DCAF1: variants seen among roughly 807,000 people sequenced by gnomAD.
DCAF1 encodes DDB1 and CUL4 associated factor 1, also known as DDB1- and CUL4-associated factor 1.
DCAF1 carries 15 observed loss-of-function variants against 128.0 expected under a neutral mutation model. The observed-to-expected ratio is 0.12, with a 90% CI of 0.08 to 0.18. The LOEUF (loss-of-function observed/expected upper bound fraction) is 0.18, where lower values mean the gene tolerates loss of function less well. DCAF1 is among the 10% of genes least tolerant of loss of function. The pLI is 1.00. For missense variants in DCAF1, 988 were observed against 1,649.5 expected, an observed-to-expected ratio of 0.60 and a Z score of 6.95; for synonymous variants, 610 against 603.0, an observed-to-expected ratio of 1.01 and a Z score of -0.17.
chr3:51,423,007 G>A (rs1553633010), intron 13 of DCAF1, among the ~76,000 whole-genome samples: 2 of 152,070 alleles, frequency 1.3e-5, no homozygotes, highest in African/African-American at 4.8e-5. Context: ...AGTTGAGGCT[G>A]TGGTGAGCCG....
At chr3:51,493,393 C>G (rs1707878606) in intron 2 of DCAF1, among the ~76,000 whole-genome samples, 1 of 151,672 alleles carries the variant, frequency 6.6e-6, no homozygotes, top group Admixed American at 6.6e-5. Flanking sequence ...TGAAGTGAGC[C>G]AAGATTACGC....
chr3:51,440,973 T>C lies in DCAF1; in HGVS notation c.1125A>G (p.Leu375=), dbSNP rs782285686. The part of the protein sequence containing the change: ...TNDVLLTFEA[L]KHLASLLLHN... ...CCAATATTTTTAAGAACTTTACCTT[T>C]AGTGCCTCAAATGTAAGCAGGACAT... Residue 375 remains leucine (L), a synonymous_variant, in exon 9 of 25, where the codon CTA becomes CTG. Transcript: ENST00000684031. The C allele has an allele frequency of 1.2e-6, 2 of 1,610,262 alleles. No individual in the cohort carries two copies. Among genetic ancestry groups the C allele is most frequent in the Non-Finnish European group, 1.7e-6 (2 of 1,178,472 alleles).
intron 12 of DCAF1, among the ~76,000 whole-genome samples, chr3:51,427,843 T>C (rs1478283009): frequency 6.6e-6 from 1 of 151,906 alleles, no homozygotes; most frequent in Non-Finnish European, 1.5e-5. Flanking sequence ...TTGTTGCCCA[T>C]GCTGGAGTGC....
chr3:51,478,995 T>G (rs79471295), intron 3 of DCAF1, among the ~76,000 whole-genome samples: 1 of 152,104 alleles, frequency 6.6e-6, no homozygotes, highest in South Asian at 2.1e-4. Flanking sequence ...AACAAAAAGA[T>G]TTTTTTAACA....
intron 10 of DCAF1, among the ~76,000 whole-genome samples, chr3:51,431,553 G>C (rs1700385088): frequency 1.3e-5 from 2 of 149,704 alleles, no homozygotes; most frequent in South Asian, 4.2e-4. Context: ...ATATATGAAA[G>C]AGTCTTAACT....
intron 3 of DCAF1, among the ~76,000 whole-genome samples, chr3:51,474,574 T>C (rs1705194511): frequency 1.3e-5 from 2 of 151,996 alleles, no homozygotes; most frequent in Admixed American, 6.6e-5. Flanking sequence ...CACAAAATAA[T>C]GTATGTGTAC....
intron 2 of DCAF1, among the ~76,000 whole-genome samples, chr3:51,491,458 AT>A (rs1707635693): frequency 6.6e-6 from 1 of 152,210 alleles, no homozygotes; most frequent in African/African-American, 2.4e-5. Context: ...ACAGAGACAA[AT>A]ACAATAGAAT....
At chr3:51,471,838 C>T (rs1448364271) in intron 3 of DCAF1, among the ~76,000 whole-genome samples, 2 of 151,974 alleles carry the variant, frequency 1.3e-5, no homozygotes, top group Non-Finnish European at 2.9e-5. Flanking sequence ...CACTGCACTC[C>T]AGCCCGGGCA....
chr3:51,411,426 G>GA (rs59891388), intron 23 of DCAF1, among the ~76,000 whole-genome samples: 10,259 of 152,108 alleles, frequency 0.067, 909 homozygotes, highest in East Asian at 0.33. Flanking sequence ...CTGTAGGCTG[G>GA]AAAAAATCTG....
intron 12 of DCAF1, among the ~76,000 whole-genome samples, chr3:51,427,992 T>C (rs1700047940): frequency 1.3e-5 from 2 of 152,136 alleles, no homozygotes. Flanking sequence ...TAAATAATAA[T>C]ACCTTTCAAA....
At chr3:51,402,900 C>T (rs1209000379) in intron 24 of DCAF1, among the ~76,000 whole-genome samples, 2 of 152,116 alleles carry the variant, frequency 1.3e-5, no homozygotes, top group African/African-American at 2.4e-5. Flanking sequence ...TCTGATCTTA[C>T]AGAAAAAGTC....
intron 3 of DCAF1, among the ~76,000 whole-genome samples, chr3:51,478,057 G>T (rs189662215): frequency 1.3e-5 from 2 of 152,184 alleles, no homozygotes; most frequent in Admixed American, 1.3e-4. Flanking sequence ...AGGCTGGAGT[G>T]TAGTGGCACA....
intron 23 of DCAF1, among the ~76,000 whole-genome samples, chr3:51,404,329 A>ATT (rs1577047733): frequency 6.6e-6 from 1 of 152,280 alleles, no homozygotes; most frequent in East Asian, 1.9e-4. Flanking sequence ...AATAAAATGT[A>ATT]AAATTCATTT....
intron 9 of DCAF1, 93 bp downstream of exon 9, chr3:51,440,877 G>T: frequency 1.8e-6 from 2 of 1,084,404 alleles, no homozygotes; most frequent in Non-Finnish European, 2.7e-6. Context: ...CTGCACTCCA[G>T]CCTGGGCGAC....
Position 51,471,111 on chromosome 3 carries a change from G to A in DCAF1, c.111-106C>T, listed in dbSNP as rs1363983020. On this transcript the variant is annotated intron_variant, in intron 3 of 24. Transcript: ENST00000684031. ...AAGGTAGAAAATAAAAGCAAAGTTA[G>A]AAAAAGACTATTTCTTCTGATGTAC... The A allele has an allele frequency of 3.7e-5, 22 of 593,002 alleles. No individual in the cohort carries two copies. The East Asian group carries it at 5.6e-4, about 15-fold the overall frequency. The allele number at this position is 593,002 out of a possible 1,614,324, so 36.7% of individuals were successfully genotyped here.
intron 6 of DCAF1, among the ~76,000 whole-genome samples, chr3:51,458,481 CA>C (rs1193481801): frequency 6.6e-6 from 1 of 152,132 alleles, no homozygotes; most frequent in East Asian, 1.9e-4. Context: ...TTTAACACCC[CA>C]CTGTCAACAT....
intron 13 of DCAF1, among the ~76,000 whole-genome samples, chr3:51,424,402 CAAAAAAAAAAA>C (rs560911942): frequency 9.9e-6 from 1 of 101,120 alleles, no homozygotes; most frequent in Non-Finnish European, 2.1e-5. Context: ...GACTCTGCCT[CAAAAAAAAAAA>C]AGAAAAAAAA....
At chr3:51,414,554 A>T in intron 19 of DCAF1, 70 bp downstream of exon 19, 1 of 1,574,522 alleles carries the variant, frequency 6.4e-7, no homozygotes. Context: ...TGGTATAAAG[A>T]TAGAACAAAT....
At chr3:51,504,865 G>A (rs181010824), upstream of DCAF1, among the ~76,000 whole-genome samples, 1 of 152,244 alleles carries the variant, frequency 6.6e-6, no homozygotes, top group Admixed American at 6.6e-5. Context: ...TGTAATTCCA[G>A]CACTTAGGGA....
Sources: allele counts gnomAD v4.1 joint callset (sites outside exome capture counted in the v4.1 genomes callset), GRCh38; gene constraint gnomAD v4.1.1; transcripts MANE v1.5; gene names NCBI Gene and HGNC (gene_info 2026-07-23, HGNC 2026-07-21).